Variants in UTY observed in about 807,000 individuals in gnomAD.
UTY encodes histone demethylase UTY.
A neutral mutation model predicts 32.5 loss-of-function variants in UTY; 12 were observed. That is an observed-to-expected ratio of 0.37 (90% CI 0.24 to 0.60). The LOEUF (loss-of-function observed/expected upper bound fraction) is 0.60, where lower values mean the gene tolerates loss of function less well. Ranked by LOEUF, UTY falls within the 20% of genes least tolerant of loss-of-function variation. UTY has a pLI of 0.69. For missense variants in UTY, 303 were observed against 299.2 expected, an observed-to-expected ratio of 1.01 and a Z score of -0.09; for synonymous variants, 131 against 103.4, an observed-to-expected ratio of 1.27 and a Z score of -1.62.
At chrY:13,389,781 T>C (rs2067318659) in intron 8 of UTY, among the ~76,000 whole-genome samples, 1 of 34,132 alleles carries the variant, frequency 2.9e-5, no homozygotes. Context: ...TTGTTTATCT[T>C]GTCCAAGATT....
chrY:13,427,643 T>C, intron 4 of UTY, among the ~76,000 whole-genome samples: 3 of 32,958 alleles, frequency 9.1e-5, no homozygotes, highest in African/African-American at 3.6e-4. Context: ...CAAGAGAATA[T>C]AACAATTACG....
intron 6 of UTY, among the ~76,000 whole-genome samples, chrY:13,402,080 A>G: frequency 9.0e-5 from 3 of 33,442 alleles, no homozygotes; most frequent in African/African-American, 2.3e-4. Context: ...AACAGCATAA[A>G]ATGCCAAACA....
chrY:13,346,332 C>T, intron 17 of UTY, among the ~76,000 whole-genome samples: 1 of 33,260 alleles, frequency 3.0e-5, no homozygotes, highest in Admixed American at 2.7e-4. Context: ...CCAGGAAAAC[C>T]CAAAGGACCC....
At chrY:13,331,207 C>T (rs2060663091) in intron 18 of UTY, among the ~76,000 whole-genome samples, 1 of 33,722 alleles carries the variant, frequency 3.0e-5, no homozygotes, top group Non-Finnish European at 7.4e-5. Context: ...GACACCTATG[C>T]CTCCTGACTG....
At chrY:13,407,731 A>T (rs2070252519) in intron 6 of UTY, among the ~76,000 whole-genome samples, 1 of 33,152 alleles carries the variant, frequency 3.0e-5, no homozygotes, top group Admixed American at 2.8e-4. Context: ...CACTATATTA[A>T]AGCTGAATTA....
At chrY:13,263,331 C>T in intron 27 of UTY, among the ~76,000 whole-genome samples, 1 of 33,229 alleles carries the variant, frequency 3.0e-5, no homozygotes, top group African/African-American at 1.2e-4. Context: ...ATTCAGAAGG[C>T]AGCAGTAGGA....
intron 26 of UTY, 108 bp downstream of exon 26, chrY:13,298,849 C>T (rs2058228181): frequency 7.7e-6 from 1 of 129,435 alleles, no homozygotes; most frequent in African/African-American, 1.1e-4. Flanking sequence ...TTTTTTCCTA[C>T]AAGAGATACT....
intron 10 of UTY, among the ~76,000 whole-genome samples, chrY:13,364,110 C>T: frequency 6.5e-5 from 2 of 30,904 alleles, no homozygotes; most frequent in Non-Finnish European, 1.6e-4. Flanking sequence ...CAATAGTCTC[C>T]CTTTAATATA....
At chrY:13,453,850 T>C (rs947956010) in intron 3 of UTY, among the ~76,000 whole-genome samples, 1 of 33,021 alleles carries the variant, frequency 3.0e-5, no homozygotes, top group Non-Finnish European at 7.4e-5. Context: ...ACAGCATCTG[T>C]GGAAAACAGG....
intron 23 of UTY, 22 bp from the exon 24 acceptor site, chrY:13,305,569 A>G: frequency 2.7e-6 from 1 of 377,019 alleles, no homozygotes; most frequent in Non-Finnish European, 3.7e-6. Flanking sequence ...TAACAGATTA[A>G]GAGTAAAAAC....
chrY:13,416,421 A>G, intron 4 of UTY, among the ~76,000 whole-genome samples: 1 of 34,049 alleles, frequency 2.9e-5, no homozygotes, highest in Non-Finnish European at 7.3e-5. Context: ...CTAGGGCCTA[A>G]TTATTAATGT....
At chrY:13,446,619 T>TAGATAGACAGAC (rs1556515298) in intron 4 of UTY, among the ~76,000 whole-genome samples, 16 of 14,269 alleles carry the variant, frequency 1.1e-3, no homozygotes, top group East Asian at 5.6e-3. Context: ...GATAGATAGA[T>TAGATAGACAGAC]AGACAGACAG....
chrY:13,379,631 G>C, intron 8 of UTY, among the ~76,000 whole-genome samples: 1 of 5,981 alleles, frequency 1.7e-4, no homozygotes, highest in Admixed American at 2.2e-3. Context: ...ATGGACACAT[G>C]TGAGAGATAC....
intron 27 of UTY, among the ~76,000 whole-genome samples, chrY:13,277,252 T>C (rs2056756871): frequency 3.0e-5 from 1 of 33,610 alleles, no homozygotes; most frequent in Non-Finnish European, 7.4e-5. Context: ...GCAGTAAAAA[T>C]GTTGTGTTTT....
At chrY:13,443,014 C>A in intron 4 of UTY, among the ~76,000 whole-genome samples, 1 of 33,340 alleles carries the variant, frequency 3.0e-5, no homozygotes, top group Non-Finnish European at 7.4e-5. Context: ...TTTTGACAGG[C>A]CTTTGACTCT....
At chrY:13,277,051 A>C in intron 27 of UTY, among the ~76,000 whole-genome samples, 1 of 34,134 alleles carries the variant, frequency 2.9e-5, no homozygotes, top group African/African-American at 1.1e-4. Flanking sequence ...GCTAAAAAGC[A>C]AAGCAAAAAC....
At chrY:13,366,223 T>C in intron 10 of UTY, 44 bp downstream of exon 10, 1 of 356,792 alleles carries the variant, frequency 2.8e-6, no homozygotes, top group Non-Finnish European at 3.9e-6. Context: ...CAAATGATTT[T>C]ACATTACAAA....
intron 6 of UTY, among the ~76,000 whole-genome samples, chrY:13,410,526 G>T: frequency 3.0e-5 from 1 of 33,341 alleles, no homozygotes; most frequent in Non-Finnish European, 7.4e-5. Context: ...AAAAGCCTTA[G>T]AGTGAATATT....
rs778612025 is a variant in UTY at position 13,336,079 on chromosome Y, A to G, written c.2318T>C (p.Val773Ala). ...ESKPSKNRSL[V>A]PETSRHTGDT... Reference sequence around the variant, plus strand: ...TCCAGTATGCCTGCTTGTTTCAGGCACCAAGGATCTATTTTTTGAAGGCTT... The same window carrying G: ...TCCAGTATGCCTGCTTGTTTCAGGCGCCAAGGATCTATTTTTTGAAGGCTT... The change falls in exon 18 of 30, where the codon GTG becomes GCG. Residue 773 changes from valine to alanine, a missense_variant. By Grantham distance (64) the Val-to-Ala change is moderately conservative (BLOSUM62 0). Coordinates refer to ENST00000545955, the MANE Select transcript of UTY (RefSeq NM_001258249.2). 26 of 399,073 alleles carry G rather than the reference A, an allele frequency of 6.5e-5. No individual in the cohort carries two copies. In the East Asian group the frequency reaches 2.4e-3, roughly 37 times the overall value.
Sources: gnomAD v4.1 joint callset for allele counts (sites outside exome capture counted in the v4.1 genomes callset) on GRCh38, gnomAD v4.1.1 for gene constraint, MANE v1.5 for transcripts, NCBI Gene and HGNC (gene_info 2026-07-23, HGNC 2026-07-21) for gene names.